PRR5: variants seen among roughly 807,000 people sequenced by gnomAD.
PRR5 encodes the protein proline-rich protein 5.
A neutral mutation model predicts 30.6 loss-of-function variants in PRR5; 25 were observed. The observed-to-expected ratio is 0.82, with a 90% CI of 0.60 to 1.14. The LOEUF (loss-of-function observed/expected upper bound fraction) is 1.14. PRR5 is among the 50% of genes most tolerant of loss of function. The pLI, the probability that PRR5 is intolerant of heterozygous loss-of-function variation, is 0.00. For synonymous variants in PRR5, 286 were observed against 247.1 expected, an observed-to-expected ratio of 1.16 and a Z score of -1.48; for missense variants, 600 against 547.1, an observed-to-expected ratio of 1.10 and a Z score of -0.96.
chr22:44,733,157 A>C (rs538401183), intron 6 of PRR5, among the ~76,000 whole-genome samples: 1 of 152,262 alleles, frequency 6.6e-6, no homozygotes, highest in Non-Finnish European at 1.5e-5. Context: ...CCCTCACAGC[A>C]GGTGGGGAGA....
chr22:44,708,158 C>G (rs1019003365), intron 1 of PRR5, among the ~76,000 whole-genome samples: 1 of 152,104 alleles, frequency 6.6e-6, no homozygotes, highest in African/African-American at 2.4e-5. Context: ...CGAGAACACG[C>G]CACTGCACTC....
At chr22:44,714,863 G>T (rs1409732016) in intron 2 of PRR5, among the ~76,000 whole-genome samples, 192 bp downstream of exon 2, 1 of 152,216 alleles carries the variant, frequency 6.6e-6, no homozygotes, top group Non-Finnish European at 1.5e-5. Context: ...TTCCCGAGCT[G>T]CCATGTGGGC....
At chr22:44,714,692 G>A (rs1255485542) in intron 2 of PRR5, 21 bp downstream of exon 2, 22 of 1,613,226 alleles carry the variant, frequency 1.4e-5, no homozygotes, top group Non-Finnish European at 1.9e-5. Context: ...GTCCCACCTT[G>A]GTCCAGGGTC....
chr22:44,735,924 TTGGTGTAGCC>T (rs1923152115), intron 7 of PRR5, among the ~76,000 whole-genome samples: 1 of 152,190 alleles, frequency 6.6e-6, no homozygotes, highest in South Asian at 2.1e-4. Context: ...CCACCCAGGC[TTGGTGTAGCC>T]CTGGATGGCA....
intron 1 of PRR5, among the ~76,000 whole-genome samples, chr22:44,696,390 C>A (rs557064343): frequency 6.6e-6 from 1 of 152,144 alleles, no homozygotes; most frequent in Non-Finnish European, 1.5e-5. Flanking sequence ...AAACACCTGC[C>A]CCAGAAGAGA....
In PRR5 at chr22:44,704,556, A is replaced by AGGTCTCCC. The variant is rs1926887146; in HGVS notation, c.134+1949_134+1956dup. Among the ~76,000 whole-genome samples, 8 of 152,022 alleles carry AGGTCTCCC rather than the reference A, an allele frequency of 5.3e-5. No individual in the cohort carries two copies. In the South Asian group the frequency reaches 1.7e-3, roughly 32 times the overall value. On this transcript the variant is annotated intron_variant, in intron 1 of 7. Coordinates refer to ENST00000336985, the MANE Select transcript of PRR5 (RefSeq NM_181333.4). Reference sequence around the variant, plus strand: ...CTCCCCGCGGCACCTGCAGGGCTCCAGGTCTCCCAGCCCTTAGGCCTACAT... The same window carrying AGGTCTCCC: ...CTCCCCGCGGCACCTGCAGGGCTCCAGGTCTCCCGGTCTCCCAGCCCTTAGGCCTACAT...
intron 1 of PRR5, among the ~76,000 whole-genome samples, chr22:44,670,958 TC>T (rs943058609): frequency 6.6e-6 from 1 of 152,152 alleles, no homozygotes; most frequent in African/African-American, 2.4e-5. Flanking sequence ...CTCGTGAGAC[TC>T]CCATAGAGGA....
At chr22:44,732,155 C>A in intron 5 of PRR5, 96 bp from the exon 6 acceptor site, 2 of 1,552,608 alleles carry the variant, frequency 1.3e-6, no homozygotes, top group Non-Finnish European at 1.7e-6. Flanking sequence ...TGAGGGTCGG[C>A]AGGTCTCTTC....
intron 4 of PRR5, chr22:44,731,063 G>A (rs971144829): frequency 1.2e-4 from 36 of 298,698 alleles, no homozygotes; most frequent in East Asian, 2.3e-4. Context: ...GGAGGAGGTC[G>A]GTGGGTAGAA....
intron 2 of PRR5, among the ~76,000 whole-genome samples, chr22:44,720,067 C>G (rs1240146065): frequency 1.3e-5 from 2 of 152,188 alleles, no homozygotes; most frequent in Non-Finnish European, 2.9e-5. Flanking sequence ...ATCCACACCC[C>G]CTCTTCTCCC....
Position 44,714,974 on chromosome 22 carries a change from G to A in PRR5, c.215+303G>A, listed in dbSNP as rs951699246. 1.9e-4 allele frequency among the ~76,000 whole-genome samples: 29 copies of A among 152,360 alleles called. 1 individual carries two copies. Among genetic ancestry groups the A allele is most frequent in the African/African-American group, 6.5e-4 (27 of 41,590 alleles). On this transcript the variant is annotated intron_variant, in intron 2 of 7. Coordinates refer to ENST00000336985, the MANE Select transcript of PRR5 (RefSeq NM_181333.4). ...GCAGGGTGGGACTTGGACAGCCGCT[G>A]GAGATGACGCTGACGGCCCCCACTG...
At chr22:44,694,319 C>G (rs893064205) in intron 1 of PRR5, among the ~76,000 whole-genome samples, 1 of 152,144 alleles carries the variant, frequency 6.6e-6, no homozygotes. Flanking sequence ...AGGTGGATCA[C>G]TTGAGGTCAG....
chr22:44,713,769 C>T (rs932758149), intron 1 of PRR5, among the ~76,000 whole-genome samples: 1 of 152,202 alleles, frequency 6.6e-6, no homozygotes, highest in African/African-American at 2.4e-5. Flanking sequence ...TCACAGAAAA[C>T]GTTTGCCAGC....
chr22:44,731,487 C>T, intron 4 of PRR5: 2 of 570,104 alleles, frequency 3.5e-6, no homozygotes, highest in Non-Finnish European at 6.3e-6. Context: ...ATTTCATGCC[C>T]TCAGCTCTGG....
At chr22:44,730,408 C>G in intron 4 of PRR5, 1 of 985,372 alleles carries the variant, frequency 1.0e-6, no homozygotes, top group Non-Finnish European at 1.2e-6. Flanking sequence ...ACCCAGCAGC[C>G]CTCATCCCAG....
chr22:44,670,012 C>G (rs1923332601), intron 1 of PRR5, among the ~76,000 whole-genome samples: 1 of 152,228 alleles, frequency 6.6e-6, no homozygotes, highest in Non-Finnish European at 1.5e-5. Flanking sequence ...ATGTCAATTC[C>G]TGGTCCCTGT....
intron 1 of PRR5, among the ~76,000 whole-genome samples, chr22:44,684,908 T>G (rs1004162180): frequency 6.6e-6 from 1 of 152,198 alleles, no homozygotes; most frequent in Non-Finnish European, 1.5e-5. Flanking sequence ...AGCCTCCCTT[T>G]ACTGCCCTCT....
At chr22:44,698,636 G>A (rs184253816), upstream of PRR5, among the ~76,000 whole-genome samples, 478 of 152,322 alleles carry the variant, frequency 3.1e-3, no homozygotes, top group African/African-American at 0.011. Context: ...TGTGCCTGCT[G>A]GCAGGGGCAG....
chr22:44,703,627 C>T (rs1040259995), intron 1 of PRR5, among the ~76,000 whole-genome samples: 1 of 152,122 alleles, frequency 6.6e-6, no homozygotes, highest in Admixed American at 6.5e-5. Flanking sequence ...AGTGGGTATT[C>T]GCATTCCTCC....
Sources: gnomAD v4.1 joint callset for allele counts (sites outside exome capture counted in the v4.1 genomes callset) on GRCh38, gnomAD v4.1.1 for gene constraint, MANE v1.5 for transcripts, NCBI Gene and HGNC (gene_info 2026-07-23, HGNC 2026-07-21) for gene names.